The following TDRD1 variants were observed in gnomAD, a reference collection of about 807,000 sequenced individuals.
TDRD1 encodes tudor domain-containing protein 1.
Under a neutral mutation model 140.6 loss-of-function variants are expected in TDRD1, and 37 were observed. The observed-to-expected ratio is 0.26, with a 90% CI of 0.20 to 0.35. TDRD1 has a LOEUF of 0.35. Among genes scored for constraint, TDRD1 ranks in the 10% least tolerant of loss-of-function variants. TDRD1 has a pLI of 1.00. For synonymous variants in TDRD1, 506 were observed against 475.7 expected, an observed-to-expected ratio of 1.06 and a Z score of -0.83; for missense variants, 1,243 against 1,393.0, an observed-to-expected ratio of 0.89 and a Z score of 1.71.
intron 3 of TDRD1, among the ~76,000 whole-genome samples, chr10:114,197,947 C>T (rs1170270729): frequency 6.6e-6 from 1 of 152,200 alleles, no homozygotes; most frequent in Non-Finnish European, 1.5e-5. Context: ...TGAGCCACCA[C>T]ACCCAGTCTC....
chr10:114,213,558 G>A (rs2035621985), exon 15 of TDRD1: 1 of 1,613,916 alleles, frequency 6.2e-7, no homozygotes, highest in Admixed American at 1.7e-5. Context: ...TATGGTGACA[G>A]ATAAACCCAG....
In TDRD1 at chr10:114,230,921, G is replaced by T. The variant is rs574081008; in HGVS notation, c.3539-565G>T. 2.6e-5 allele frequency among the ~76,000 whole-genome samples: 4 copies of T among 152,164 alleles called. No homozygotes were observed. The East Asian group carries it at 7.7e-4, about 29-fold the overall frequency. On this transcript the variant is annotated intron_variant, in intron 25 of 25. Transcript: ENST00000251864. ...CTCTACCAAAAAAAATATAGAATTA[G>T]CCAGGTGAGGTGGCGTGCACCTGTA...
chr10:114,205,216 T>C (rs141855481), intron 10 of TDRD1, among the ~76,000 whole-genome samples: 96 of 152,350 alleles, frequency 6.3e-4, no homozygotes, highest in Non-Finnish European at 1.3e-3. Context: ...CTTATATCAG[T>C]GCTTTTTCTT....
At chr10:114,222,759 A>G (rs2133173399) in intron 21 of TDRD1, 56 bp downstream of exon 21, 1 of 1,003,752 alleles carries the variant, frequency 1.0e-6, no homozygotes, top group Non-Finnish European at 1.6e-6. Context: ...GTTTTGTTCT[A>G]CATGATACTA....
Position 114,228,432 on chromosome 10 carries a change from T to C in TDRD1, c.3538+307T>C, listed in dbSNP as rs547353867. 113 of 1,075,982 alleles carry C rather than the reference T, an allele frequency of 1.1e-4. No individual in the cohort carries two copies. The African/African-American group carries it at 1.8e-3, about 17-fold the overall frequency. 66.7% of individuals were successfully genotyped at this position (1,075,982 alleles called of 1,614,324 possible). On this transcript the variant is annotated intron_variant, in intron 25 of 25. Coordinates refer to ENST00000251864, the Ensembl canonical transcript of TDRD1. ...TATGTGGAGGGACTTGTAAAACTTG[T>C]TGTGACATAAAGCTTAGCCTCAGAT...
At chr10:114,204,993 C>T in intron 10 of TDRD1, 100 bp downstream of exon 10, 2 of 1,022,474 alleles carry the variant, frequency 2.0e-6, no homozygotes, top group Non-Finnish European at 2.7e-6. Flanking sequence ...GGTAAACTGC[C>T]CTCTGGAGTC....
At chr10:114,189,876 C>T (rs193195768) in intron 2 of TDRD1, among the ~76,000 whole-genome samples, 59 of 152,312 alleles carry the variant, frequency 3.9e-4, no homozygotes, top group East Asian at 7.7e-4. Context: ...GTCATGCATG[C>T]GCAGGAATCC....
In TDRD1 at chr10:114,210,822, A is replaced by G. The variant is rs142444913; in HGVS notation, c.1553-38A>G. 6.7e-5 allele frequency: 108 copies of G among 1,612,572 alleles called. No individual in the cohort carries two copies. In the African/African-American group the frequency reaches 1.1e-3, roughly 17 times the overall value. ...GACTTGACATGTAGAAATAATGTAT[A>G]GATACGTATTTCTTTAAGATGTGAT... On this transcript the variant is annotated intron_variant, in intron 12 of 25. Transcript: ENST00000251864.
At chr10:114,210,710 C>T in exon 12 of TDRD1, 1 of 1,612,046 alleles carries the variant, frequency 6.2e-7, no homozygotes. Flanking sequence ...CACATTCAAA[C>T]ACCAGAAGAC....
chr10:114,218,122 G>A (rs2035927482), intron 17 of TDRD1, among the ~76,000 whole-genome samples: 1 of 152,144 alleles, frequency 6.6e-6, no homozygotes, highest in Non-Finnish European at 1.5e-5. Context: ...GTATATTCAA[G>A]TCTTATCTTC....
intron 2 of TDRD1, among the ~76,000 whole-genome samples, chr10:114,189,919 A>G (rs1486870200): frequency 6.6e-6 from 1 of 152,262 alleles, no homozygotes; most frequent in African/African-American, 2.4e-5. Flanking sequence ...TTCTAACGTA[A>G]CAATATGAAA....
At chr10:114,200,935 A>G (rs1458313150) in intron 4 of TDRD1, among the ~76,000 whole-genome samples, 1 of 143,676 alleles carries the variant, frequency 7.0e-6, no homozygotes, top group Admixed American at 7.5e-5. Flanking sequence ...AGCTCACTGC[A>G]ACCTCTGCCT....
At chr10:114,206,787 G>A (rs1195486612) in intron 11 of TDRD1, among the ~76,000 whole-genome samples, 10 of 151,976 alleles carry the variant, frequency 6.6e-5, no homozygotes, top group African/African-American at 2.2e-4. Flanking sequence ...CTAATTTTTT[G>A]TATTTTTAGT....
intron 24 of TDRD1, 29 bp downstream of exon 24, chr10:114,227,985 A>T: frequency 6.2e-7 from 1 of 1,611,924 alleles, no homozygotes; most frequent in Non-Finnish European, 8.5e-7. Flanking sequence ...AAGTGAAATT[A>T]TACTCCTAAC....
chr10:114,208,646 ATCT>A (rs2035281803), intron 11 of TDRD1, among the ~76,000 whole-genome samples: 1 of 152,166 alleles, frequency 6.6e-6, no homozygotes. Flanking sequence ...CTGATTGAAC[ATCT>A]TCTGTCTCCT....
chr10:114,211,621 A>G lies in TDRD1; in HGVS notation c.1661-245A>G, dbSNP rs115461741. Among the ~76,000 whole-genome samples, 949 of 152,358 alleles carry G rather than the reference A, an allele frequency of 6.2e-3. 11 individuals carry two copies. Among genetic ancestry groups the G allele is most frequent in the African/African-American group, 0.021 (892 of 41,578 alleles). On this transcript the variant is annotated intron_variant, in intron 13 of 25. Transcript: ENST00000251864. ...TTCTCTGTACTAATGAGCTAACTCT[A>G]CTGGAGAGACAAGGCATGTAAACTA...
chr10:114,192,440 G>A (rs976673683), intron 3 of TDRD1, among the ~76,000 whole-genome samples: 4 of 151,486 alleles, frequency 2.6e-5, no homozygotes, highest in Middle Eastern at 3.4e-3. Flanking sequence ...GAGTAGCTGG[G>A]ACTACAGGTG....
rs665581 is a variant in TDRD1, at chr10:114,230,857, G to A, written c.3539-629G>A. On this transcript the variant is annotated intron_variant, in intron 25 of 25. Transcript: ENST00000251864. The stretch of plus-strand genomic sequence containing the variant: ...GGAGGGCAGGTCACATGAGGCCCAG[G>A]AGTTTGAGACCATCCTGGCCAACAT... Among the ~76,000 whole-genome samples the A allele has an allele frequency of 7.5e-3, 1,148 of 152,178 alleles. 17 individuals carry two copies. Among genetic ancestry groups the A allele is most frequent in the African/African-American group, 0.026 (1,081 of 41,514 alleles).
exon 7 of TDRD1, chr10:114,203,101 A>G (rs1297801759): frequency 2.2e-5 from 35 of 1,613,746 alleles, no homozygotes; most frequent in Non-Finnish European, 3.0e-5. Flanking sequence ...TTACTAAGGA[A>G]ATAGCCATTT....
Sources: allele counts gnomAD v4.1 joint callset (sites outside exome capture counted in the v4.1 genomes callset), GRCh38; gene constraint gnomAD v4.1.1; transcripts MANE v1.5; gene names NCBI Gene and HGNC (gene_info 2026-07-23, HGNC 2026-07-21).